Variants in FAT3 observed in about 807,000 individuals in gnomAD.
The protein encoded by FAT3 is FAT atypical cadherin 3.
Under a neutral mutation model 310.2 loss-of-function variants are expected in FAT3, and 95 were observed. The ratio of observed to expected loss-of-function variants is 0.31; its 90% confidence interval spans 0.26 to 0.36. FAT3 has a LOEUF of 0.36. FAT3 is among the 10% of genes least tolerant of loss of function. The pLI is 1.00. For missense variants in FAT3, 5,408 were observed against 5,715.6 expected (o/e 0.95, Z 1.74); for synonymous variants, 2,314 against 2,192.9 (o/e 1.06, Z -1.54).
Position 92,883,385 on chromosome 11 carries a change from G to A in FAT3, c.12929G>A (p.Gly4310Glu), listed in dbSNP as rs1360935462. 6.9e-6 allele frequency: 11 copies of A among 1,600,432 alleles called. No homozygotes were observed. The highest frequency in any genetic ancestry group is 9.4e-6 in the Non-Finnish European group (11 of 1,172,340). Residue 4310 changes from glycine (G) to glutamate (E), a missense_variant, in exon 24 of 28, where the codon GGA becomes GAA. Around this residue, in one of 5 missense-constraint regions of FAT3, gnomAD observed 649 missense variants for 666.2 expected, o/e 0.97. Transcript: ENST00000525166. This position sits in a 1 kb window ranked among gnomAD's most constrained non-coding sequence, Gnocchi z 4.2. ...ATCCGGAAGAATGGCTGGGACGCGG[G>A]AACTGAGAGTGAGTAGGAAGTGGTA... ...DSIRKNGWDA[G>E]TENKGVDDPG...
chr11:92,628,089 G>A (rs976935548), intron 3 of FAT3, among the ~76,000 whole-genome samples: 7 of 152,122 alleles, frequency 4.6e-5, no homozygotes, highest in Admixed American at 1.3e-4. Context: ...TTCAGATACC[G>A]GATGCCTAAG....
In FAT3 at chr11:92,777,517, C is replaced by CA. The variant is rs1204642543; in HGVS notation, c.4335+3340dup. Among the ~76,000 whole-genome samples the CA allele has an allele frequency of 2.6e-5, 4 of 152,242 alleles. No individual in the cohort carries two copies. In the East Asian group the frequency reaches 7.7e-4, roughly 29 times the overall value. On this transcript the variant is annotated intron_variant, in intron 7 of 27. Coordinates refer to ENST00000525166, the MANE Select transcript of FAT3 (RefSeq NM_001367949.2). Reference sequence around the variant, plus strand: ...GATTCCAATGAACTAAACGCAAGAACAAAGCATCCCAACACTGACAAAAAC... The same window carrying CA: ...GATTCCAATGAACTAAACGCAAGAACAAAAGCATCCCAACACTGACAAAAAC...
At chr11:92,356,046 A>G (rs1034692395) in intron 2 of FAT3, among the ~76,000 whole-genome samples, 2 of 152,238 alleles carry the variant, frequency 1.3e-5, no homozygotes, top group Non-Finnish European at 2.9e-5. Flanking sequence ...GGAGATATTT[A>G]CAAAACATTA....
At chr11:92,350,044 G>C (rs1270769188) in intron 1 of FAT3, among the ~76,000 whole-genome samples, 2 of 151,364 alleles carry the variant, frequency 1.3e-5, no homozygotes, top group Admixed American at 6.6e-5. Context: ...TCTAGAGTCT[G>C]CTAGACTCTA....
chr11:92,800,049 A>T lies in FAT3; in HGVS notation c.7036A>T (p.Ile2346Phe). Residue 2346 changes from isoleucine to phenylalanine, a missense_variant, in exon 10 of 28, where the codon ATC becomes TTC. Physicochemically the swap from Ile to Phe is conservative, Grantham distance 21. Coordinates refer to ENST00000525166, the MANE Select transcript of FAT3 (RefSeq NM_001367949.2). ...YFHIDSSSGLILTARMLDHEL... is the reference protein window; with the variant it reads ...YFHIDSSSGLFLTARMLDHEL... ...TCACATAGATAGCTCAAGTGGCTTA[A>T]TCCTGACAGCACGAATGCTGGACCA... 6.2e-7 allele frequency: 1 copy of T among 1,613,992 alleles called. No individual in the cohort carries two copies. Among genetic ancestry groups the T allele is most frequent in the Non-Finnish European group, 8.5e-7 (1 of 1,179,872 alleles).
chr11:92,293,110 G>T (rs921723908), intron 1 of FAT3, among the ~76,000 whole-genome samples: 7 of 151,060 alleles, frequency 4.6e-5, no homozygotes, highest in Admixed American at 2.0e-4. Context: ...AGGAAGGAAG[G>T]CTGGCTCTCA....
At chr11:92,528,366 C>T (rs113072218) in intron 3 of FAT3, among the ~76,000 whole-genome samples, 3,415 of 152,242 alleles carry the variant, frequency 0.022, 125 homozygotes, top group African/African-American at 0.078. Flanking sequence ...ACCATCAGGC[C>T]GGTGTTCACT....
At chr11:92,650,248 T>C (rs943146890) in intron 3 of FAT3, among the ~76,000 whole-genome samples, 2 of 152,110 alleles carry the variant, frequency 1.3e-5, no homozygotes, top group African/African-American at 4.8e-5. Flanking sequence ...CTGGTGGAGA[T>C]TGATGAACTA....
intron 2 of FAT3, among the ~76,000 whole-genome samples, chr11:92,514,392 T>C (rs1253505155): frequency 6.6e-6 from 1 of 152,170 alleles, no homozygotes; most frequent in Non-Finnish European, 1.5e-5. Flanking sequence ...GTATTTCTAA[T>C]GAATTTTGAA....
At chr11:92,760,605 A>T (rs1844296013) in intron 4 of FAT3, among the ~76,000 whole-genome samples, 1 of 152,224 alleles carries the variant, frequency 6.6e-6, no homozygotes, top group African/African-American at 2.4e-5. Context: ...TTTACCACTT[A>T]TTAACAATGA....
chr11:92,461,959 G>A (rs909534359), intron 2 of FAT3, among the ~76,000 whole-genome samples: 2 of 152,092 alleles, frequency 1.3e-5, no homozygotes, highest in African/African-American at 2.4e-5. Flanking sequence ...GCAGTCTGCT[G>A]AAAAAGAGCT....
chr11:92,597,528 A>G (rs1338219094), intron 3 of FAT3, among the ~76,000 whole-genome samples: 2 of 152,180 alleles, frequency 1.3e-5, no homozygotes, highest in Non-Finnish European at 2.9e-5. Context: ...ACCATTTCTC[A>G]GGCAGCTCTT....
At position 92,800,087 on chromosome 11, in the gene FAT3, A is replaced by C. The variant is rs775960333; in HGVS notation, c.7074A>C (p.Gln2358His). 3.1e-6 allele frequency: 5 copies of C among 1,614,018 alleles called. No homozygotes were observed. Among genetic ancestry groups the C allele is most frequent in the Non-Finnish European group, 4.2e-6 (5 of 1,179,880 alleles). Residue 2358 changes from glutamine (Q) to histidine (H), a missense_variant, in exon 10 of 28, where the codon CAA becomes CAC. Physicochemically the swap from Gln to His is conservative, Grantham distance 24. Around this residue, in one of 5 missense-constraint regions of FAT3, gnomAD observed 4,588 missense variants for 4,809.8 expected, o/e 0.95. Transcript: ENST00000525166. Reference protein sequence around the residue: ...TARMLDHELVQHCTLKVRSID... With the variant: ...TARMLDHELVHHCTLKVRSID... ...GAATGCTGGACCATGAGTTAGTACAACACTGCACTTTGAAAGTCAGATCAA... is the reference window on the plus strand; with the variant it reads ...GAATGCTGGACCATGAGTTAGTACACCACTGCACTTTGAAAGTCAGATCAA...
chr11:92,420,067 C>A (rs1384708174), intron 2 of FAT3, among the ~76,000 whole-genome samples: 1 of 152,176 alleles, frequency 6.6e-6, no homozygotes, highest in African/African-American at 2.4e-5. Context: ...CAAAGTAAAG[C>A]CTGCCGGCTG....
chr11:92,309,830 G>C (rs1181740487), intron 1 of FAT3, among the ~76,000 whole-genome samples: 1 of 152,106 alleles, frequency 6.6e-6, no homozygotes, highest in Admixed American at 6.6e-5. Context: ...TAAAAGGTAA[G>C]GGCTTCTGTA....
intron 2 of FAT3, among the ~76,000 whole-genome samples, chr11:92,488,884 C>G (rs1361026948): frequency 4.6e-5 from 7 of 152,124 alleles, no homozygotes; most frequent in African/African-American, 1.7e-4. Flanking sequence ...AATTTATTAA[C>G]CTTTCTATGT....
chr11:92,827,404 A>G (rs749816050), intron 13 of FAT3, among the ~76,000 whole-genome samples: 1 of 152,194 alleles, frequency 6.6e-6, no homozygotes, highest in Non-Finnish European at 1.5e-5. Flanking sequence ...AAGGAGTCAT[A>G]GTGCTGGAAA....
intron 3 of FAT3, among the ~76,000 whole-genome samples, chr11:92,643,035 A>T (rs746628297): frequency 1.8e-4 from 28 of 152,234 alleles, no homozygotes; most frequent in Non-Finnish European, 3.5e-4. Context: ...CAGGATGCTT[A>T]TCTTTTGCTT....
Position 92,798,010 on chromosome 11 carries a change from A to G in FAT3, c.4997A>G (p.Asn1666Ser), listed in dbSNP as rs1565601699. The part of the protein sequence containing the change: ...IVRISVTMSD[N>S]SHPKFIHKDY... ...CGCATTTCCGTCACCATGTCTGACA[A>G]TTCTCACCCCAAGTTCATTCACAAA... is the stretch of plus-strand genomic sequence containing the variant. The change falls in exon 10 of 28, where the codon AAT becomes AGT. Residue 1666 changes from asparagine to serine, a missense_variant. Asn to Ser is a conservative substitution (Grantham distance 46, BLOSUM62 1). This residue lies in a region of FAT3 where 4,588 missense variants were observed against 4,809.8 expected (regional missense o/e 0.95). Coordinates refer to ENST00000525166, the MANE Select transcript of FAT3 (RefSeq NM_001367949.2). The G allele has an allele frequency of 6.2e-7, 1 of 1,613,856 alleles. No homozygotes were observed. The highest frequency in any genetic ancestry group is 8.5e-7 in the Non-Finnish European group (1 of 1,179,850).
Sources: allele counts gnomAD v4.1 joint callset (sites outside exome capture counted in the v4.1 genomes callset), GRCh38; gene constraint gnomAD v4.1.1; regional missense constraint gnomAD v4.1.1; non-coding constraint Gnocchi (gnomAD v3.1); transcripts MANE v1.5; gene names NCBI Gene and HGNC (gene_info 2026-07-23, HGNC 2026-07-21).